Variants in NLN observed in about 807,000 individuals in gnomAD.
The protein encoded by NLN is neurolysin.
In NLN, 64 loss-of-function variants were observed where a neutral mutation model predicts 79.9. The ratio of observed to expected loss-of-function variants is 0.80; its 90% CI spans 0.65 to 0.99. The LOEUF (loss-of-function observed/expected upper bound fraction) is 0.99, where lower values mean the gene tolerates loss of function less well. Among genes scored for constraint, NLN ranks in the 50% least tolerant of loss-of-function variants. NLN has a pLI of 0.00. For missense variants in NLN, 835 were observed against 858.7 expected (o/e 0.97, Z 0.34); for synonymous variants, 267 against 296.6 (o/e 0.90, Z 1.02).
rs946286858 is a variant in NLN at position 65,823,805 on chromosome 5, T to A, written c.*890T>A. On this transcript the variant is annotated 3_prime_UTR_variant, in exon 13 of 13. Coordinates refer to ENST00000380985, the MANE Select transcript of NLN (RefSeq NM_020726.5). The stretch of plus-strand genomic sequence containing the variant: ...CGTCCCCAAAAGTGTCAGGTAGACA[T>A]GTCACAAATGGCTCTGTAGAGAGCC... The A allele has an allele frequency of 6.6e-6, 1 of 152,082 alleles. No individual in the cohort carries two copies. Among genetic ancestry groups the A allele is most frequent in the African/African-American group, 2.4e-5 (1 of 41,366 alleles). 9.4% of individuals were successfully genotyped at this position (152,082 alleles called of 1,614,324 possible).
Position 65,829,281 on chromosome 5 carries a change from T to C in NLN, c.*6366T>C, listed in dbSNP as rs1760975673. ...TTAAATAAATATACCTTCTTTAAAA[T>C]TATCTTTTGTTATAAAGATGCCTTT... On this transcript the variant is annotated 3_prime_UTR_variant, in exon 13 of 13. Coordinates refer to ENST00000380985, the MANE Select transcript of NLN (RefSeq NM_020726.5). 6.6e-6 allele frequency: 1 copy of C among 152,162 alleles called. No homozygotes were observed. The highest frequency in any genetic ancestry group is 2.4e-5 in the African/African-American group (1 of 41,440). The allele number at this position is 152,162 out of a possible 1,614,324, so 9.4% of individuals were successfully genotyped here.
chr5:65,784,529 A>G (rs1224829633), intron 6 of NLN, among the ~76,000 whole-genome samples: 1 of 152,162 alleles, frequency 6.6e-6, no homozygotes, highest in Admixed American at 6.5e-5. Context: ...CCTTTTTTCT[A>G]TATCCTCACA....
chr5:65,758,052 G>A (rs1193161230), intron 1 of NLN, among the ~76,000 whole-genome samples: 2 of 152,054 alleles, frequency 1.3e-5, no homozygotes, highest in East Asian at 3.8e-4. Flanking sequence ...GGGCAATATG[G>A]GGAGACCTCA....
At position 65,827,153 on chromosome 5, in the gene NLN, CAA is replaced by C. The variant is rs970720553; in HGVS notation, c.*4241_*4242del. ...ATAATGCTGTACGTCTGTAACAAAACAAAATTTGAAAAATTGAGGTAATGTAC... is the reference window on the plus strand; with the variant it reads ...ATAATGCTGTACGTCTGTAACAAAACAATTTGAAAAATTGAGGTAATGTAC... On this transcript the variant is annotated 3_prime_UTR_variant, in exon 13 of 13. Transcript: ENST00000380985. 6.6e-6 allele frequency: 1 copy of C among 151,872 alleles called. No homozygotes were observed. Among genetic ancestry groups the C allele is most frequent in the Admixed American group, 6.6e-5 (1 of 15,218 alleles). The allele number at this position is 151,872 out of a possible 1,614,324, so 9.4% of individuals were successfully genotyped here.
intron 3 of NLN, among the ~76,000 whole-genome samples, chr5:65,773,720 A>G (rs1579939612): frequency 6.6e-6 from 1 of 152,166 alleles, no homozygotes; most frequent in African/African-American, 2.4e-5. Context: ...AGGCAGGTGG[A>G]TCACTTGAGC....
intron 9 of NLN, among the ~76,000 whole-genome samples, chr5:65,795,981 A>G (rs1008182062): frequency 5.3e-5 from 8 of 152,180 alleles, no homozygotes; most frequent in African/African-American, 1.9e-4. Context: ...TGAGGACCCT[A>G]TGAAAATCTG....
intron 1 of NLN, among the ~76,000 whole-genome samples, chr5:65,740,123 G>A (rs146897816): frequency 3.3e-5 from 5 of 152,146 alleles, no homozygotes; most frequent in Non-Finnish European, 5.9e-5. Context: ...TTCATTTTCT[G>A]TTGCCATAAT....
chr5:65,775,196 C>T (rs986941189), intron 3 of NLN, among the ~76,000 whole-genome samples: 4 of 152,110 alleles, frequency 2.6e-5, no homozygotes, highest in African/African-American at 9.7e-5. Flanking sequence ...AAAGAGCAGC[C>T]CTGCTACATG....
At chr5:65,811,567 C>G (rs1561213004) in intron 11 of NLN, among the ~76,000 whole-genome samples, 1 of 152,048 alleles carries the variant, frequency 6.6e-6, no homozygotes, top group East Asian at 1.9e-4. Context: ...CCTGTAATCC[C>G]AACACTTTGG....
At chr5:65,783,369 A>G (rs147992763) in intron 6 of NLN, among the ~76,000 whole-genome samples, 1,534 of 152,254 alleles carry the variant, frequency 0.01, 14 homozygotes, top group Non-Finnish European at 0.013. Context: ...CAGCTCTACC[A>G]TCCTCAGGGT....
chr5:65,810,409 G>A (rs531736686), intron 11 of NLN, among the ~76,000 whole-genome samples: 3 of 152,262 alleles, frequency 2.0e-5, no homozygotes, highest in South Asian at 2.1e-4. Flanking sequence ...GTTGGCCTCC[G>A]CCCCAGAGCT....
chr5:65,807,356 G>C (rs1017689700), intron 9 of NLN, among the ~76,000 whole-genome samples: 1 of 151,920 alleles, frequency 6.6e-6, no homozygotes, highest in Non-Finnish European at 1.5e-5. Flanking sequence ...AAAGATTATA[G>C]CTTGCCAAAG....
At chr5:65,773,851 G>A (rs985842941) in intron 3 of NLN, among the ~76,000 whole-genome samples, 7 of 152,098 alleles carry the variant, frequency 4.6e-5, no homozygotes, top group African/African-American at 1.7e-4. Flanking sequence ...GCTGAGGTGC[G>A]AAGATCTATT....
At chr5:65,792,835 A>G (rs753268049) in intron 9 of NLN, 180 bp downstream of exon 9, 1 of 668,536 alleles carries the variant, frequency 1.5e-6, no homozygotes, top group Non-Finnish European at 2.7e-6. Context: ...ACATATTTTT[A>G]CTTGGAGGTT....
chr5:65,774,749 C>T (rs1164039941), intron 3 of NLN, among the ~76,000 whole-genome samples: 2 of 142,092 alleles, frequency 1.4e-5, no homozygotes, highest in Non-Finnish European at 3.0e-5. Flanking sequence ...TTTTTTGAGA[C>T]AGTTTTACTC....
At chr5:65,803,219 C>CA (rs1760328592) in intron 9 of NLN, among the ~76,000 whole-genome samples, 1 of 152,198 alleles carries the variant, frequency 6.6e-6, no homozygotes, top group African/African-American at 2.4e-5. Flanking sequence ...GGTGGGGCTT[C>CA]ACCAGGGACC....
intron 2 of NLN, among the ~76,000 whole-genome samples, chr5:65,760,092 G>A (rs1056413706): frequency 2.6e-5 from 4 of 152,154 alleles, no homozygotes; most frequent in African/African-American, 9.7e-5. Flanking sequence ...GAATTTGAAA[G>A]ATCATCAGAA....
At chr5:65,727,729 A>G (rs1306668999) in intron 1 of NLN, among the ~76,000 whole-genome samples, 2 of 152,150 alleles carry the variant, frequency 1.3e-5, no homozygotes, top group East Asian at 1.9e-4. Flanking sequence ...GTAATAGCCT[A>G]GCTTCCTCTT....
intron 7 of NLN, among the ~76,000 whole-genome samples, chr5:65,787,157 T>A (rs1759943422): frequency 6.6e-6 from 1 of 152,050 alleles, no homozygotes; most frequent in Non-Finnish European, 1.5e-5. Context: ...GAGGCTAAAG[T>A]GCGAGGATCC....
Sources: allele counts gnomAD v4.1 joint callset (sites outside exome capture counted in the v4.1 genomes callset), GRCh38; gene constraint gnomAD v4.1.1; transcripts MANE v1.5; gene names NCBI Gene and HGNC (gene_info 2026-07-23, HGNC 2026-07-21).